Variants in ANGEL2 observed in about 807,000 individuals in gnomAD.
ANGEL2 encodes angel homolog 2.
ANGEL2 carries 41 observed loss-of-function variants against 66.0 expected under a neutral mutation model. The ratio of observed to expected loss-of-function variants is 0.62; its 90% CI spans 0.48 to 0.81. The LOEUF (loss-of-function observed/expected upper bound fraction) is 0.81. ANGEL2 is among the 30% of genes least tolerant of loss of function. The pLI, the probability that ANGEL2 is intolerant of heterozygous loss-of-function variation, is 0.00. For missense variants in ANGEL2, 561 were observed against 641.6 expected, an observed-to-expected ratio of 0.87 and a Z score of 1.36; for synonymous variants, 208 against 226.5, an observed-to-expected ratio of 0.92 and a Z score of 0.73.
At position 213,005,294 on chromosome 1, in the gene ANGEL2, G is replaced by C. The variant is rs368842471; in HGVS notation, c.873C>G (p.Leu291=). The C allele has an allele frequency of 3.3e-5, 54 of 1,614,118 alleles. No individual in the cohort carries two copies. The highest frequency in any genetic ancestry group is 4.6e-5 in the Non-Finnish European group (54 of 1,180,056). The change falls in exon 5 of 9, where the codon CTC becomes CTG. Residue 291 remains leucine, a synonymous_variant. Transcript: ENST00000366962. The part of the protein sequence containing the change: ...LDRDNVGLVL[L]LQPKIPYAAC... Reference sequence around the variant, plus strand: ...CAGCATATGGAATTTTGGGCTGTAAGAGTAAAACTAATCCAACATTGTCTC... The same window carrying C: ...CAGCATATGGAATTTTGGGCTGTAACAGTAAAACTAATCCAACATTGTCTC...
chr1:213,006,796 TTTGAAA>T (rs1338694702), intron 4 of ANGEL2: 3 of 244,350 alleles, frequency 1.2e-5, no homozygotes, highest in African/African-American at 6.7e-5. Flanking sequence ...TCTTTTCCTC[TTTGAAA>T]TTAAGTTTTT....
chr1:213,008,348 T>A lies in ANGEL2; in HGVS notation c.504A>T (p.Ser168=), dbSNP rs773025286. 2.2e-5 allele frequency: 35 copies of A among 1,614,116 alleles called. No individual in the cohort carries two copies. Among genetic ancestry groups the A allele is most frequent in the Non-Finnish European group, 2.6e-5 (31 of 1,180,050 alleles). The part of the protein sequence containing the change: ...CEDSENKFDF[S]VMSYNILSQD... The stretch of plus-strand genomic sequence containing the variant: ...GTGAAAGTATATTATAGGACATCAC[T>A]GAAAAGTCAAACTTGTTCTCACTGT... The change falls in exon 3 of 9, where the codon TCA becomes TCT. Residue 168 remains serine (S), a synonymous_variant. Transcript: ENST00000366962.
intron 2 of ANGEL2, among the ~76,000 whole-genome samples, chr1:213,012,076 A>T (rs538542457): frequency 1.3e-5 from 2 of 152,334 alleles, no homozygotes; most frequent in South Asian, 4.1e-4. Flanking sequence ...GTAACTGTGT[A>T]GCAATAAGTT....
chr1:213,007,227 A>G (rs1246340083), intron 3 of ANGEL2, 29 bp from the exon 4 acceptor site: 2 of 1,479,614 alleles, frequency 1.4e-6, no homozygotes, highest in South Asian at 2.7e-5. Flanking sequence ...CTTGAATTAG[A>G]ACACAGAGAT....
intron 7 of ANGEL2, among the ~76,000 whole-genome samples, chr1:212,999,624 A>G (rs2076124697): frequency 6.6e-6 from 1 of 152,218 alleles, no homozygotes; most frequent in Non-Finnish European, 1.5e-5. Context: ...TAAAACAGCC[A>G]CAATATAATT....
intron 7 of ANGEL2, among the ~76,000 whole-genome samples, chr1:212,997,773 T>C (rs1469478874): frequency 1.3e-5 from 2 of 152,230 alleles, no homozygotes; most frequent in African/African-American, 4.8e-5. Context: ...ACAGCTTCTC[T>C]AATGGTTTAT....
Position 213,007,185 on chromosome 1 carries a change from T to C in ANGEL2, c.656A>G (p.Gln219Arg). The C allele has an allele frequency of 6.3e-7, 1 of 1,579,928 alleles. No individual in the cohort carries two copies. Among genetic ancestry groups the C allele is most frequent in the Non-Finnish European group, 8.6e-7 (1 of 1,166,886 alleles). ...KHFDADVLCL[Q>R]EVQEDHYGAE... ...TCCATAATGATCTTCTTGAACTTCT[T>C]GCAAACAAAGTACCTTGGAAGAAAA... The change falls in exon 4 of 9, where the codon CAA (glutamine) becomes CGA (arginine). Residue 219 changes from glutamine to arginine, a missense_variant. Coordinates refer to ENST00000366962, the MANE Select transcript of ANGEL2 (RefSeq NM_144567.5).
chr1:212,998,491 T>C (rs1359213803), intron 7 of ANGEL2, among the ~76,000 whole-genome samples: 3 of 151,926 alleles, frequency 2.0e-5, no homozygotes, highest in Non-Finnish European at 4.4e-5. Context: ...ATAAACACTC[T>C]GTATTTACAT....
intron 1 of ANGEL2, among the ~76,000 whole-genome samples, chr1:213,014,820 C>A (rs982020321): frequency 6.6e-6 from 1 of 152,176 alleles, no homozygotes; most frequent in South Asian, 2.1e-4. Context: ...AAATCCCCAT[C>A]GCTTATGTAA....
chr1:213,013,497 A>G lies in ANGEL2; in HGVS notation c.60-79T>C. 3 of 1,299,426 alleles carry G rather than the reference A, an allele frequency of 2.3e-6. No individual in the cohort carries two copies. The South Asian group carries it at 4.3e-5, about 19-fold the overall frequency. The allele number at this position is 1,299,426 out of a possible 1,614,324, so 80.5% of individuals were successfully genotyped here. On this transcript the variant is annotated intron_variant, in intron 1 of 8. Transcript: ENST00000366962. Reference sequence around the variant, plus strand: ...TACAAAATCTAAGCCTGTTTCCTCAAGGGAAGGTAATGTCTAATATTTAAA... The same window carrying G: ...TACAAAATCTAAGCCTGTTTCCTCAGGGGAAGGTAATGTCTAATATTTAAA...
In ANGEL2 at chr1:212,992,413, T is replaced by A. The variant is rs1426199811; in HGVS notation, c.*2628A>T. 1.3e-5 allele frequency: 2 copies of A among 152,244 alleles called. No homozygotes were observed. The highest frequency in any genetic ancestry group is 4.8e-5 in the African/African-American group (2 of 41,472). 9.4% of individuals were successfully genotyped at this position (152,244 alleles called of 1,614,324 possible). ...AATTTCATTACTCCACAGTTTACCTTTCCATTTAAAACTTGGATAGTATAA... is the reference window on the plus strand; with the variant it reads ...AATTTCATTACTCCACAGTTTACCTATCCATTTAAAACTTGGATAGTATAA... On this transcript the variant is annotated 3_prime_UTR_variant, in exon 9 of 9. Transcript: ENST00000366962.
chr1:212,996,181 C>G (rs1439168423), intron 8 of ANGEL2, among the ~76,000 whole-genome samples: 1 of 152,120 alleles, frequency 6.6e-6, no homozygotes, highest in African/African-American at 2.4e-5. Flanking sequence ...GTGGCGGGCG[C>G]CTGTAGTCCC....
intron 2 of ANGEL2, 84 bp from the exon 3 acceptor site, chr1:213,008,550 T>G: frequency 6.8e-7 from 1 of 1,474,162 alleles, no homozygotes; most frequent in Non-Finnish European, 9.1e-7. Context: ...TTTCAGCCTC[T>G]TAAAAATTCC....
At chr1:213,012,987 C>T (rs2076545905) in intron 2 of ANGEL2, 106 bp downstream of exon 2, 1 of 1,181,508 alleles carries the variant, frequency 8.5e-7, no homozygotes, top group Non-Finnish European at 1.2e-6. Flanking sequence ...AAAGTCAACA[C>T]CAAACACCTC....
intron 2 of ANGEL2, among the ~76,000 whole-genome samples, chr1:213,012,020 G>A (rs1382049928): frequency 6.6e-6 from 1 of 152,050 alleles, no homozygotes; most frequent in Admixed American, 6.5e-5. Context: ...TTCACTTTTG[G>A]ACAGTTAAGA....
At chr1:212,997,094 A>G in intron 8 of ANGEL2, 61 bp downstream of exon 8, 1 of 1,452,940 alleles carries the variant, frequency 6.9e-7, no homozygotes, top group South Asian at 1.4e-5. Context: ...TCTTAACTTT[A>G]ACCTTGAGGT....
chr1:213,013,241 T>C lies in ANGEL2; in HGVS notation c.237A>G (p.Arg79=), dbSNP rs772529333. The part of the protein sequence containing the change: ...FSSRHFSLNW[R]PPCLFESRTQ... ...TTCTAGACTCAAACAAACAGGGTGG[T>C]CTCCAATTTAGTGAAAAATGCCTAC... Residue 79 remains arginine, a synonymous_variant, in exon 2 of 9, where the codon AGA becomes AGG. Coordinates refer to ENST00000366962, the MANE Select transcript of ANGEL2 (RefSeq NM_144567.5). The C allele has an allele frequency of 3.0e-5, 48 of 1,613,994 alleles. No homozygotes were observed. The highest frequency in any genetic ancestry group is 3.9e-5 in the Non-Finnish European group (46 of 1,180,022).
In ANGEL2 at chr1:212,996,776, G is replaced by A. The variant is rs1157127257; in HGVS notation, c.1483+379C>T. On this transcript the variant is annotated intron_variant, in intron 8 of 8. Transcript: ENST00000366962. Reference sequence around the variant, plus strand: ...CCTCCAATGAAGGCAGGACGCCTCGGTAAAATTTAAGCACAAAACTATGAT... The same window carrying A: ...CCTCCAATGAAGGCAGGACGCCTCGATAAAATTTAAGCACAAAACTATGAT... 2.7e-5 allele frequency among the ~76,000 whole-genome samples: 4 copies of A among 150,836 alleles called. No homozygotes were observed. In the Admixed American group the frequency reaches 2.7e-4, roughly 10 times the overall value.
intron 8 of ANGEL2, among the ~76,000 whole-genome samples, chr1:212,996,911 G>C (rs1433395386): frequency 6.6e-6 from 1 of 152,030 alleles, no homozygotes; most frequent in Non-Finnish European, 1.5e-5. Flanking sequence ...GACTGGAACT[G>C]GAGGGTAGGA....
Sources: gnomAD v4.1 joint callset for allele counts (sites outside exome capture counted in the v4.1 genomes callset) on GRCh38, gnomAD v4.1.1 for gene constraint, MANE v1.5 for transcripts, NCBI Gene and HGNC (gene_info 2026-07-23, HGNC 2026-07-21) for gene names.